EFNA5: variants seen among roughly 807,000 people sequenced by gnomAD.
EFNA5 encodes ephrin A5, also known as ephrin-A5.
In EFNA5, 5 loss-of-function variants were observed where a neutral mutation model predicts 22.9. That is an observed-to-expected ratio of 0.22 (90% CI 0.11 to 0.46). EFNA5 has a LOEUF of 0.46. EFNA5 is among the 20% of genes least tolerant of loss of function. The pLI, the probability that EFNA5 is intolerant of heterozygous loss-of-function variation, is 0.99. For synonymous variants in EFNA5, 113 were observed against 112.2 expected, an observed-to-expected ratio of 1.01 and a Z score of -0.04; for missense variants, 237 against 293.3, an observed-to-expected ratio of 0.81 and a Z score of 1.40.
chr5:107,463,381 T>C (rs1013031888), intron 1 of EFNA5, among the ~76,000 whole-genome samples: 3 of 152,122 alleles, frequency 2.0e-5, no homozygotes, highest in Non-Finnish European at 4.4e-5. Flanking sequence ...TTAAAATATA[T>C]ATATTTCTGA....
chr5:107,499,986 A>T (rs963423103), intron 1 of EFNA5, among the ~76,000 whole-genome samples: 1 of 152,164 alleles, frequency 6.6e-6, no homozygotes, highest in Non-Finnish European at 1.5e-5. Context: ...GTGTGTTTCA[A>T]CCCGGATCAT....
At chr5:107,501,695 C>T (rs528247889) in intron 1 of EFNA5, among the ~76,000 whole-genome samples, 10 of 152,142 alleles carry the variant, frequency 6.6e-5, no homozygotes, top group Non-Finnish European at 7.3e-5. Flanking sequence ...TACATACTAT[C>T]GGCTACATTT....
intron 1 of EFNA5, among the ~76,000 whole-genome samples, chr5:107,521,371 C>A (rs1747592333): frequency 6.6e-6 from 1 of 151,554 alleles, no homozygotes; most frequent in Non-Finnish European, 1.5e-5. Context: ...CTCACTGCAG[C>A]CTTGACCTCC....
chr5:107,489,904 C>T (rs915283400), intron 1 of EFNA5, among the ~76,000 whole-genome samples: 1 of 152,164 alleles, frequency 6.6e-6, no homozygotes, highest in African/African-American at 2.4e-5. Context: ...CTGGCTGAAA[C>T]AGCTGGACTT....
At chr5:107,548,693 G>C (rs1365265193) in intron 1 of EFNA5, among the ~76,000 whole-genome samples, 1 of 152,178 alleles carries the variant, frequency 6.6e-6, no homozygotes, top group East Asian at 1.9e-4. Context: ...AGTATCTGTT[G>C]TATCAGTCCT....
chr5:107,625,627 A>T (rs1044873894), intron 1 of EFNA5, among the ~76,000 whole-genome samples: 1 of 152,166 alleles, frequency 6.6e-6, no homozygotes, highest in Admixed American at 6.5e-5. Flanking sequence ...TTTAGCAATC[A>T]TCTAAAATTA....
intron 1 of EFNA5, among the ~76,000 whole-genome samples, chr5:107,433,322 G>A (rs1452262271): frequency 6.6e-6 from 1 of 152,132 alleles, no homozygotes; most frequent in Non-Finnish European, 1.5e-5. Context: ...AGTTAATTTA[G>A]GAAAATAAAA....
At chr5:107,583,699 T>C (rs1326768858) in intron 1 of EFNA5, among the ~76,000 whole-genome samples, 3 of 152,160 alleles carry the variant, frequency 2.0e-5, no homozygotes, top group Admixed American at 2.0e-4. Context: ...TTAGGGAAAA[T>C]TGGTTTATAC....
intron 1 of EFNA5, among the ~76,000 whole-genome samples, chr5:107,429,897 AT>A (rs1315409701): frequency 1.3e-5 from 2 of 152,268 alleles, no homozygotes; most frequent in Non-Finnish European, 2.9e-5. Flanking sequence ...GGAAAATCAT[AT>A]AGAAATGTTA....
chr5:107,476,058 T>TATATATATATATATATATATATG, intron 1 of EFNA5, among the ~76,000 whole-genome samples: 1 of 41,078 alleles, frequency 2.4e-5, no homozygotes. Flanking sequence ...ATATATATAT[T>TATATATATATATATATATATATG]TTTTTTTTTT....
At position 107,637,231 on chromosome 5, in the gene EFNA5, A is replaced by G. The variant is rs1249454142; in HGVS notation, c.125+33258T>C. 4.6e-5 allele frequency among the ~76,000 whole-genome samples: 7 copies of G among 152,334 alleles called. No individual in the cohort carries two copies. The South Asian group carries it at 1.2e-3, about 27-fold the overall frequency. ...TAATTATAAGAGAAATCAAAAGTCC[A>G]GAAAAAACAAGAGTACAGCCATATC... On this transcript the variant is annotated intron_variant, in intron 1 of 4. Coordinates refer to ENST00000333274, the MANE Select transcript of EFNA5 (RefSeq NM_001962.3).
chr5:107,619,809 G>GC (rs1749999740), intron 1 of EFNA5, among the ~76,000 whole-genome samples: 4 of 151,902 alleles, frequency 2.6e-5, no homozygotes, highest in Non-Finnish European at 4.4e-5. Context: ...CAATCCTTAG[G>GC]CCCCCACACA....
rs564411538 is a variant in EFNA5, at chr5:107,527,097, C to T, written c.126-99588G>A. On this transcript the variant is annotated intron_variant, in intron 1 of 4. Coordinates refer to ENST00000333274, the MANE Select transcript of EFNA5 (RefSeq NM_001962.3). Reference sequence around the variant, plus strand: ...AAAAATATTTGTGCTTTTATTCCCCCTAAGTTTCTGGACATAAATATGACC... The same window carrying T: ...AAAAATATTTGTGCTTTTATTCCCCTTAAGTTTCTGGACATAAATATGACC... Among the ~76,000 whole-genome samples the T allele has an allele frequency of 7.9e-5, 12 of 152,188 alleles. No individual in the cohort carries two copies. The South Asian group carries it at 1.7e-3, about 21-fold the overall frequency.
Position 107,427,408 on chromosome 5 carries a change from C to T in EFNA5, c.227G>A (p.Arg76His), listed in dbSNP as rs1408872308. The T allele has an allele frequency of 2.5e-6, 4 of 1,613,924 alleles. No homozygotes were observed. The highest frequency in any genetic ancestry group is 1.7e-5 in the Admixed American group (1 of 59,980). The change falls in exon 2 of 5, where the codon CGC (arginine) becomes CAC (histidine). Residue 76 changes from arginine (R) to histidine (H), a missense_variant. Coordinates refer to ENST00000333274, the MANE Select transcript of EFNA5 (RefSeq NM_001962.3). ...AAAGTTCACCATGTAGAGGACATAG[C>T]GCTCAGTCTTATCTTCTGGGACGGA... ...EDSVPEDKTE[R>H]YVLYMVNFDG...
chr5:107,479,300 GGT>G (rs1750390159), intron 1 of EFNA5, among the ~76,000 whole-genome samples: 1 of 152,090 alleles, frequency 6.6e-6, no homozygotes, highest in African/African-American at 2.4e-5. Context: ...GCAAGTGCAT[GGT>G]AATGGATAAT....
intron 1 of EFNA5, among the ~76,000 whole-genome samples, chr5:107,434,665 T>C (rs993363957): frequency 1.6e-4 from 25 of 152,252 alleles, no homozygotes; most frequent in African/African-American, 6.0e-4. Flanking sequence ...GAGTGAAGTT[T>C]CTTCACTCCA....
At chr5:107,391,948 A>C (rs1286941118) in intron 2 of EFNA5, among the ~76,000 whole-genome samples, 2 of 152,174 alleles carry the variant, frequency 1.3e-5, no homozygotes, top group Non-Finnish European at 2.9e-5. Flanking sequence ...GAGCCTTCCC[A>C]AAAATCTTGG....
chr5:107,485,855 C>T (rs1008764559), intron 1 of EFNA5, among the ~76,000 whole-genome samples: 1 of 152,090 alleles, frequency 6.6e-6, no homozygotes. Context: ...TTACAATGTT[C>T]GTTTTTTTTA....
At chr5:107,661,143 AG>A (rs749392616) in intron 1 of EFNA5, among the ~76,000 whole-genome samples, 28 of 130,664 alleles carry the variant, frequency 2.1e-4, no homozygotes, top group Admixed American at 3.2e-4. Flanking sequence ...AAGAAGAAGA[AG>A]AAAAAAAAAG....
Sources: gnomAD v4.1 joint callset for allele counts (sites outside exome capture counted in the v4.1 genomes callset) on GRCh38, gnomAD v4.1.1 for gene constraint, MANE v1.5 for transcripts, NCBI Gene and HGNC (gene_info 2026-07-23, HGNC 2026-07-21) for gene names.